Variants in CLSTN2 observed in about 807,000 individuals in gnomAD.
CLSTN2 encodes calsyntenin-2.
A neutral mutation model predicts 101.2 loss-of-function variants in CLSTN2; 48 were observed. The observed-to-expected ratio is 0.47, with a 90% CI of 0.38 to 0.60. CLSTN2 has a LOEUF of 0.60. Among genes scored for constraint, CLSTN2 ranks in the 20% least tolerant of loss-of-function variants. The pLI, the probability that CLSTN2 is intolerant of heterozygous loss-of-function variation, is 0.00. For missense variants in CLSTN2, 1,160 were observed against 1,238.2 expected, an observed-to-expected ratio of 0.94 and a Z score of 0.95; for synonymous variants, 481 against 463.6, an observed-to-expected ratio of 1.04 and a Z score of -0.48.
intron 1 of CLSTN2, among the ~76,000 whole-genome samples, chr3:140,124,346 G>A (rs140427712): frequency 3.5e-4 from 54 of 152,278 alleles, no homozygotes; most frequent in South Asian, 3.1e-3. Flanking sequence ...GGGATTGTTA[G>A]TGGACTGCTG....
intron 2 of CLSTN2, among the ~76,000 whole-genome samples, chr3:140,367,949 G>A (rs1342549612): frequency 3.3e-5 from 5 of 152,208 alleles, no homozygotes; most frequent in Non-Finnish European, 5.9e-5. Flanking sequence ...CCAGGAGGAA[G>A]CAGGAGTGGT....
intron 1 of CLSTN2, among the ~76,000 whole-genome samples, chr3:140,156,252 T>A (rs1387899480): frequency 6.6e-6 from 1 of 152,134 alleles, no homozygotes; most frequent in East Asian, 1.9e-4. Context: ...CTGCCATGGG[T>A]CTGAAAGGAG....
At chr3:140,251,920 G>A (rs2086568463) in intron 2 of CLSTN2, among the ~76,000 whole-genome samples, 1 of 152,154 alleles carries the variant, frequency 6.6e-6, no homozygotes, top group Non-Finnish European at 1.5e-5. Context: ...AAGCCTGGAG[G>A]CAACAGCTGT....
intron 1 of CLSTN2, among the ~76,000 whole-genome samples, chr3:139,985,009 A>C (rs1935998127): frequency 6.6e-6 from 1 of 152,138 alleles, no homozygotes; most frequent in Admixed American, 6.6e-5. Context: ...CTTCATCTCC[A>C]AAATGTGTTT....
chr3:140,107,503 A>G (rs887165700), intron 1 of CLSTN2, among the ~76,000 whole-genome samples: 6 of 152,078 alleles, frequency 3.9e-5, no homozygotes, highest in Non-Finnish European at 8.8e-5. Context: ...GTGAGTGCAG[A>G]CTCACCTGGT....
At chr3:140,251,706 T>C (rs551126826) in intron 2 of CLSTN2, among the ~76,000 whole-genome samples, 1 of 152,030 alleles carries the variant, frequency 6.6e-6, no homozygotes, top group South Asian at 2.1e-4. Flanking sequence ...AAGCCTATGC[T>C]TCATGCTGCC....
chr3:140,106,912 A>G (rs2107792725), intron 1 of CLSTN2, among the ~76,000 whole-genome samples: 1 of 152,332 alleles, frequency 6.6e-6, no homozygotes, highest in East Asian at 1.9e-4. Flanking sequence ...TCTTTTCAAC[A>G]CTAGTGTTAA....
At chr3:140,526,086 G>T (rs867512544) in intron 8 of CLSTN2, among the ~76,000 whole-genome samples, 5 of 152,026 alleles carry the variant, frequency 3.3e-5, no homozygotes, top group Non-Finnish European at 7.4e-5. Context: ...GAGCAATTAG[G>T]CAAGAGAAAG....
intron 1 of CLSTN2, among the ~76,000 whole-genome samples, chr3:140,017,798 GC>G (rs2007231585): frequency 6.6e-6 from 1 of 152,210 alleles, no homozygotes; most frequent in South Asian, 2.1e-4. Context: ...CTGGCCACAG[GC>G]CTGACGCAGG....
intron 2 of CLSTN2, among the ~76,000 whole-genome samples, chr3:140,290,943 A>T (rs976148134): frequency 1.3e-5 from 2 of 152,134 alleles, no homozygotes; most frequent in Non-Finnish European, 2.9e-5. Flanking sequence ...CTCCCAGATC[A>T]TTTTCATCAG....
intron 1 of CLSTN2, among the ~76,000 whole-genome samples, chr3:139,938,319 G>A (rs1173326597): frequency 6.6e-6 from 1 of 152,192 alleles, no homozygotes; most frequent in East Asian, 1.9e-4. Context: ...CCCAGCTTCA[G>A]TCTTGTGTAA....
At chr3:140,483,435 G>T (rs1232973571) in intron 8 of CLSTN2, among the ~76,000 whole-genome samples, 1 of 152,210 alleles carries the variant, frequency 6.6e-6, no homozygotes, top group Non-Finnish European at 1.5e-5. Flanking sequence ...TTGGGGTGGA[G>T]AGTTCTGTAG....
At chr3:140,030,400 C>T (rs1168583747) in intron 1 of CLSTN2, among the ~76,000 whole-genome samples, 1 of 151,918 alleles carries the variant, frequency 6.6e-6, no homozygotes, top group African/African-American at 2.4e-5. Flanking sequence ...TGACTCTGAT[C>T]AGCTGTGTCA....
intron 11 of CLSTN2, chr3:140,556,944 AT>A: frequency 2.7e-6 from 1 of 364,676 alleles, no homozygotes; most frequent in Non-Finnish European, 5.1e-6. Flanking sequence ...AGAGCTAGGA[AT>A]TTGAAGTGAT....
At chr3:140,492,485 A>G (rs1309262582) in intron 8 of CLSTN2, among the ~76,000 whole-genome samples, 1 of 152,228 alleles carries the variant, frequency 6.6e-6, no homozygotes, top group Non-Finnish European at 1.5e-5. Flanking sequence ...CTGTCATTGA[A>G]CACACTTTCT....
intron 1 of CLSTN2, among the ~76,000 whole-genome samples, chr3:140,086,175 G>A (rs919112241): frequency 1.3e-5 from 2 of 152,174 alleles, no homozygotes; most frequent in African/African-American, 4.8e-5. Flanking sequence ...AGATTAGGTA[G>A]GTGTAGTCCC....
At position 140,133,247 on chromosome 3, in the gene CLSTN2, T is replaced by C. The variant is rs576864318; in HGVS notation, c.110-42704T>C. Among the ~76,000 whole-genome samples, 3 of 152,260 alleles carry C rather than the reference T, an allele frequency of 2.0e-5. No homozygotes were observed. The South Asian group carries it at 6.2e-4, about 32-fold the overall frequency. On this transcript the variant is annotated intron_variant, in intron 1 of 16. Coordinates refer to ENST00000458420, the MANE Select transcript of CLSTN2 (RefSeq NM_022131.3). ...CAGAGCTAGAACTCACTCATTACCATGTAGAGGGGACCAAGCCATTCGTGA... is the reference window on the plus strand; with the variant it reads ...CAGAGCTAGAACTCACTCATTACCACGTAGAGGGGACCAAGCCATTCGTGA...
Position 140,563,944 on chromosome 3 carries a change from T to A in CLSTN2, c.2483-17T>A, listed in dbSNP as rs1935974252. The A allele has an allele frequency of 1.2e-6, 2 of 1,610,556 alleles. No individual in the cohort carries two copies. The highest frequency in any genetic ancestry group is 1.7e-6 in the Non-Finnish European group (2 of 1,177,390). ...GCCTTTGTTCACCATGTCATGCGAG[T>A]TTTTTCCTTGTTCCAGTGGTCCCAA... is the stretch of plus-strand genomic sequence containing the variant. On this transcript the variant is annotated splice_polypyrimidine_tract_variant and intron_variant, in intron 15 of 16. Transcript: ENST00000458420.
chr3:139,992,839 T>G (rs1936138514), intron 1 of CLSTN2, among the ~76,000 whole-genome samples: 1 of 152,182 alleles, frequency 6.6e-6, no homozygotes, highest in Non-Finnish European at 1.5e-5. Flanking sequence ...TGCTTTGCTC[T>G]AAACCTCCTT....
Sources: gnomAD v4.1 joint callset for allele counts (sites outside exome capture counted in the v4.1 genomes callset) on GRCh38, gnomAD v4.1.1 for gene constraint, MANE v1.5 for transcripts, NCBI Gene and HGNC (gene_info 2026-07-23, HGNC 2026-07-21) for gene names.